Variants in LPAR6 observed in about 807,000 individuals in gnomAD.
LPAR6 encodes G-protein coupled purinergic receptor P2Y5.
LPAR6 carries 17 observed loss-of-function variants against 22.0 expected under a neutral mutation model. That is an observed-to-expected ratio of 0.77 (90% CI 0.53 to 1.16). The LOEUF (loss-of-function observed/expected upper bound fraction) is 1.16, where lower values mean the gene tolerates loss of function less well. Ranked by LOEUF, LPAR6 falls within the 50% of genes most tolerant of loss-of-function variation. The pLI is 0.00. For synonymous variants in LPAR6, 136 were observed against 139.8 expected (o/e 0.97, Z 0.19); for missense variants, 384 against 406.9 (o/e 0.94, Z 0.48).
upstream of LPAR6, among the ~76,000 whole-genome samples, chr13:48,428,670 C>T (rs987424358): frequency 4.6e-5 from 7 of 152,230 alleles, no homozygotes; most frequent in Non-Finnish European, 1.0e-4. Context: ...TAGACATTTT[C>T]ATCCTTCTGT....
intron 1 of LPAR6, among the ~76,000 whole-genome samples, chr13:48,435,228 G>T (rs1207754572): frequency 2.6e-5 from 4 of 152,128 alleles, no homozygotes; most frequent in Non-Finnish European, 5.9e-5. Flanking sequence ...CCATCATTTG[G>T]TGATGTCTTT....
In LPAR6 at chr13:48,438,899, C is replaced by T. The variant is rs4151564; in HGVS notation, c.-1474+5654G>A. 5.6e-3 allele frequency among the ~76,000 whole-genome samples: 847 copies of T among 152,144 alleles called. 5 individuals are homozygous for T. Among genetic ancestry groups the T allele is most frequent in the Middle Eastern group, 0.01 (3 of 294 alleles). On this transcript the variant is annotated intron_variant, in intron 1 of 6. Transcript: ENST00000378434. ...TATATAGGTTATTTTATTTTCACAA[C>T]AACTCTATGTAGTGGGTACTACTAT...
chr13:48,397,678 A>G (rs1948659498), intron 1 of LPAR6, among the ~76,000 whole-genome samples: 1 of 148,964 alleles, frequency 6.7e-6, no homozygotes, highest in Non-Finnish European at 1.5e-5. Flanking sequence ...TATCTTTCAA[A>G]TTATCTTTTC....
chr13:48,414,630 A>G (rs1948876803), upstream of LPAR6, among the ~76,000 whole-genome samples: 1 of 151,462 alleles, frequency 6.6e-6, no homozygotes. Context: ...TTTCTCATAA[A>G]TTACTTAGCT....
chr13:48,444,344 C>T (rs1383523378), intron 1 of LPAR6, among the ~76,000 whole-genome samples: 1 of 152,094 alleles, frequency 6.6e-6, no homozygotes, highest in Admixed American at 6.5e-5. Flanking sequence ...TGGCAAAACC[C>T]CGTCTCTACT....
Position 48,412,258 on chromosome 13 carries a change from T to C in LPAR6, c.166A>G (p.Met56Val). Residue 56 changes from methionine (M) to valine (V), a missense_variant, in exon 1 of 1, where the codon ATG (methionine) becomes GTG (valine). By Grantham distance (21) the Met-to-Val change is conservative. Transcript: ENST00000620633. The stretch of plus-strand genomic sequence containing the variant: ...AAGTCTGACATTGCCAAGTTAATCA[T>C]GTAAGTTGTAGTTTCATTTCGGACT... ...LKVRNETTTY[M>V]INLAMSDLLF... 1 of 1,614,110 alleles carries C rather than the reference T, an allele frequency of 6.2e-7. No homozygotes were observed. Among genetic ancestry groups the C allele is most frequent in the Non-Finnish European group, 8.5e-7 (1 of 1,179,990 alleles).
At chr13:48,399,976 C>G (rs956678836) in intron 1 of LPAR6, among the ~76,000 whole-genome samples, 2 of 152,000 alleles carry the variant, frequency 1.3e-5, no homozygotes, top group Non-Finnish European at 2.9e-5. Context: ...TACACATTAC[C>G]CATTCTCTTT....
At chr13:48,442,362 G>A (rs198569) in intron 1 of LPAR6, among the ~76,000 whole-genome samples, 123,947 of 152,082 alleles carry the variant, frequency 0.82, 55,028 homozygotes, top group East Asian at 1. Flanking sequence ...AACCATGCCC[G>A]GCTAATTTTT....
intron 2 of LPAR6, among the ~76,000 whole-genome samples, chr13:48,421,003 A>G (rs1241796209): frequency 6.6e-6 from 1 of 152,220 alleles, no homozygotes; most frequent in Non-Finnish European, 1.5e-5. Context: ...TCGAGCTACC[A>G]TTGACTTCCT....
exon 1 of LPAR6, chr13:48,426,859 G>A (rs547423345): frequency 6.6e-6 from 1 of 152,206 alleles, no homozygotes; most frequent in Non-Finnish European, 1.5e-5. Flanking sequence ...GTTGGCTCAC[G>A]GTTCTTCAGG....
At chr13:48,430,663 C>A (rs188986989), upstream of LPAR6, among the ~76,000 whole-genome samples, 148 of 152,256 alleles carry the variant, frequency 9.7e-4, no homozygotes, top group Non-Finnish European at 1.8e-3. Context: ...TGGCTTGAAC[C>A]CAGGGGGCGG....
chr13:48,424,147 T>G (rs1949047142), intron 1 of LPAR6: 5 of 152,630 alleles, frequency 3.3e-5, no homozygotes, highest in Admixed American at 3.3e-4. Flanking sequence ...CAAATAAACC[T>G]TTTTCAATTT....
intron 1 of LPAR6, among the ~76,000 whole-genome samples, chr13:48,443,631 T>G (rs540344749): frequency 6.6e-6 from 1 of 152,220 alleles, no homozygotes; most frequent in Non-Finnish European, 1.5e-5. Flanking sequence ...CACATCATTC[T>G]ATTTTGCCAG....
At chr13:48,433,370 A>C (rs1435172584) in intron 1 of LPAR6, among the ~76,000 whole-genome samples, 1 of 152,144 alleles carries the variant, frequency 6.6e-6, no homozygotes, top group Non-Finnish European at 1.5e-5. Context: ...TTTGATTAGA[A>C]GCATTAAAAT....
rs749230463 is a variant in LPAR6 at position 48,412,090 on chromosome 13, C to T, written c.334G>A (p.Val112Ile). The change falls in exon 1 of 1, where the codon GTA (valine) becomes ATA (isoleucine). Residue 112 changes from valine to isoleucine, a missense_variant. Physicochemically the swap from Val to Ile is conservative, Grantham distance 29. Coordinates refer to ENST00000620633, the MANE Select transcript of LPAR6 (RefSeq NM_001162498.3). Reference protein sequence around the residue: ...GSILFLTCISVDRFLAIVYPF... With the variant: ...GSILFLTCISIDRFLAIVYPF... ...TAGACAATTGCCAGAAATCGATCTA[C>T]ACTAATACAGGTTAAGAACAGAATG... is the stretch of plus-strand genomic sequence containing the variant. 3 of 1,613,040 alleles carry T rather than the reference C, an allele frequency of 1.9e-6. No homozygotes were observed. Among genetic ancestry groups the T allele is most frequent in the African/African-American group, 2.7e-5 (2 of 74,900 alleles).
intron 2 of LPAR6, among the ~76,000 whole-genome samples, chr13:48,422,156 G>A (rs1269927238): frequency 6.6e-6 from 1 of 152,180 alleles, no homozygotes; most frequent in Non-Finnish European, 1.5e-5. Context: ...AGAAAATGTG[G>A]CACATATATA....
chr13:48,441,193 A>T (rs1039958052), intron 1 of LPAR6, among the ~76,000 whole-genome samples: 2 of 152,222 alleles, frequency 1.3e-5, no homozygotes, highest in African/African-American at 4.8e-5. Context: ...TTCCTGGTTC[A>T]TAGATGGCAC....
At chr13:48,405,158 G>A (rs987339471) in intron 1 of LPAR6, among the ~76,000 whole-genome samples, 6 of 152,070 alleles carry the variant, frequency 3.9e-5, no homozygotes, top group African/African-American at 1.4e-4. Context: ...AAAATCCTAC[G>A]ATGCAACAAG....
At chr13:48,433,596 T>C (rs934087314) in intron 1 of LPAR6, among the ~76,000 whole-genome samples, 2 of 152,060 alleles carry the variant, frequency 1.3e-5, no homozygotes, top group Non-Finnish European at 2.9e-5. Context: ...TTTTTATAAC[T>C]TACACCAAAT....
Sources: gnomAD v4.1 joint callset for allele counts (sites outside exome capture counted in the v4.1 genomes callset) on GRCh38, gnomAD v4.1.1 for gene constraint, MANE v1.5 for transcripts, NCBI Gene and HGNC (gene_info 2026-07-23, HGNC 2026-07-21) for gene names.